The following KLHL41 variants were observed in gnomAD, a reference collection of about 807,000 sequenced individuals.
KLHL41 encodes kelch-like protein 41.
A neutral mutation model predicts 49.2 loss-of-function variants in KLHL41; 31 were observed. That is an observed-to-expected ratio of 0.63 (90% CI 0.47 to 0.85). The LOEUF (loss-of-function observed/expected upper bound fraction) is 0.85, where lower values mean the gene tolerates loss of function less well. Ranked by LOEUF, KLHL41 falls within the 40% of genes least tolerant of loss-of-function variation. The probability of loss-of-function intolerance (pLI) is 0.00; values close to 1 mark genes in which losing one functional copy is unlikely to be tolerated. For synonymous variants in KLHL41, 218 were observed against 258.5 expected (o/e 0.84, Z 1.50); for missense variants, 663 against 726.7 (o/e 0.91, Z 1.01).
intron 1 of KLHL41, among the ~76,000 whole-genome samples, chr2:169,511,222 T>C (rs1684025575): frequency 6.6e-6 from 1 of 152,152 alleles, no homozygotes. Context: ...CTAAATTTAT[T>C]TTTTCTTAGC....
rs1406718204 is a variant in KLHL41 at position 169,510,478 on chromosome 2, G to T, written c.700G>T (p.Asp234Tyr). 1 of 1,613,966 alleles carries T rather than the reference G, an allele frequency of 6.2e-7. No homozygotes were observed. The highest frequency in any genetic ancestry group is 2.2e-5 in the East Asian group (1 of 44,884). The change falls in exon 1 of 6, where the codon GAT becomes TAT. Residue 234 changes from aspartate to tyrosine, a missense_variant. By Grantham distance (160) the Asp-to-Tyr change is radical (BLOSUM62 -3). This residue lies in a region of KLHL41 where 528 missense variants were observed against 581.0 expected (regional missense o/e 0.91). Coordinates refer to ENST00000284669, the MANE Select transcript of KLHL41 (RefSeq NM_006063.3). The surrounding 1 kb of genome is among the most constrained non-coding windows in gnomAD (Gnocchi z 4.2). Reference protein sequence around the residue: ...FRLMTEKYFKDHVEKDDIIKS... With the variant: ...FRLMTEKYFKYHVEKDDIIKS... ...CCTTATGACAGAAAAATATTTTAAG[G>T]ATCATGTTGAGAAAGATGATATAAT...
intron 5 of KLHL41, among the ~76,000 whole-genome samples, chr2:169,521,226 C>T (rs566344019): frequency 2.6e-5 from 4 of 152,172 alleles, no homozygotes; most frequent in Admixed American, 1.3e-4. Context: ...ATCATCTGGG[C>T]AGGCCTGTTT....
chr2:169,518,013 T>C (rs759703577), intron 3 of KLHL41, among the ~76,000 whole-genome samples, 177 bp from the exon 4 acceptor site: 3 of 152,198 alleles, frequency 2.0e-5, no homozygotes, highest in Non-Finnish European at 2.9e-5. Context: ...AATTAAGTTA[T>C]AGTTTTGGTC....
chr2:169,519,722 A>G (rs1356760985), intron 4 of KLHL41, among the ~76,000 whole-genome samples: 1 of 147,112 alleles, frequency 6.8e-6, no homozygotes, highest in Admixed American at 6.9e-5. Context: ...TCTATAATGT[A>G]CATATATTAT....
chr2:169,525,465 G>A (rs1684289075), intron 5 of KLHL41, 120 bp from the exon 6 acceptor site: 5 of 637,626 alleles, frequency 7.8e-6, no homozygotes, highest in East Asian at 2.6e-5. Context: ...CCAGGCAGGT[G>A]CATCTTCTTC....
chr2:169,515,035 C>CTT lies in KLHL41; in HGVS notation c.1376+88_1376+89dup, dbSNP rs373207430. On this transcript the variant is annotated intron_variant, in intron 3 of 5. Transcript: ENST00000284669. ...GAAGGGTTTCTTCCTCTTTTCTTTT[C>CTT]TTTTTTTTTTTTTTTGAGATGGAGC... 0.017 allele frequency: 11,079 copies of CTT among 634,910 alleles called. 6 individuals are homozygous for CTT. Among genetic ancestry groups the CTT allele is most frequent in the Middle Eastern group, 0.022 (46 of 2,100 alleles). 39.3% of individuals were successfully genotyped at this position (634,910 alleles called of 1,614,324 possible).
intron 1 of KLHL41, 169 bp from the exon 2 acceptor site, chr2:169,514,405 T>C: frequency 2.1e-6 from 1 of 483,370 alleles, no homozygotes; most frequent in Non-Finnish European, 3.6e-6. Context: ...TCATTCTTCT[T>C]GGTAATTATG....
At position 169,525,698 on chromosome 2, in the gene KLHL41, C is replaced by G; in HGVS notation, c.*2C>G. On this transcript the variant is annotated 3_prime_UTR_variant, in exon 6 of 6. Coordinates refer to ENST00000284669, the MANE Select transcript of KLHL41 (RefSeq NM_006063.3). ...CTCTTCAAACTGTCTAAACTGTGAA[C>G]AAGGTGACAAAACATAATAGATTGG... The G allele has an allele frequency of 6.5e-7, 1 of 1,550,076 alleles. No homozygotes were observed. Among genetic ancestry groups the G allele is most frequent in the East Asian group, 2.2e-5 (1 of 44,556 alleles).
chr2:169,509,995 G>A lies in KLHL41; in HGVS notation c.217G>A (p.Glu73Lys). The change falls in exon 1 of 6, where the codon GAG becomes AAG. Residue 73 changes from glutamate (E) to lysine (K), a missense_variant. Physicochemically the swap from Glu to Lys is moderately conservative, Grantham distance 56. This residue lies in a region of KLHL41 where 129 missense variants were observed against 122.1 expected (regional missense o/e 1.06). Coordinates refer to ENST00000284669, the MANE Select transcript of KLHL41 (RefSeq NM_006063.3). The part of the protein sequence containing the change: ...LSEIDEAKKK[E>K]VVLDNVDPAI... ...TGAAATTGATGAGGCGAAAAAAAAGGAGGTAGTGCTAGACAATGTGGATCC... is the reference window on the plus strand; with the variant it reads ...TGAAATTGATGAGGCGAAAAAAAAGAAGGTAGTGCTAGACAATGTGGATCC... 1.2e-6 allele frequency: 2 copies of A among 1,614,134 alleles called. No homozygotes were observed. The highest frequency in any genetic ancestry group is 1.7e-6 in the Non-Finnish European group (2 of 1,180,004).
chr2:169,524,243 T>C (rs1204224460), intron 5 of KLHL41, among the ~76,000 whole-genome samples: 1 of 149,728 alleles, frequency 6.7e-6, no homozygotes, highest in Non-Finnish European at 1.5e-5. Context: ...CCTTTATTAG[T>C]AGCAAAATAT....
At position 169,525,738 on chromosome 2, in the gene KLHL41, G is replaced by C; in HGVS notation, c.*42G>C. The C allele has an allele frequency of 1.9e-6, 2 of 1,077,272 alleles. No individual in the cohort carries two copies. The highest frequency in any genetic ancestry group is 2.9e-6 in the Non-Finnish European group (2 of 698,672). 66.7% of individuals were successfully genotyped at this position (1,077,272 alleles called of 1,614,324 possible). ...TAATAGATTGGGAGGTGGTTTGTTT[G>C]GTGAATGGGGCTTTAATTTATTCTG... On this transcript the variant is annotated 3_prime_UTR_variant, in exon 6 of 6. Coordinates refer to ENST00000284669, the MANE Select transcript of KLHL41 (RefSeq NM_006063.3).
intron 4 of KLHL41, 99 bp from the exon 5 acceptor site, chr2:169,520,762 C>T: frequency 5.8e-6 from 6 of 1,031,100 alleles, no homozygotes; most frequent in Non-Finnish European, 8.4e-6. Context: ...TGCCTGGCCA[C>T]TACTTGAATT....
chr2:169,513,839 C>T (rs889465376), intron 1 of KLHL41, among the ~76,000 whole-genome samples: 3 of 152,174 alleles, frequency 2.0e-5, no homozygotes, highest in Admixed American at 6.5e-5. Flanking sequence ...CCACCATCAT[C>T]TACCCCAGGG....
chr2:169,510,767 C>G lies in KLHL41; in HGVS notation c.989C>G (p.Ala330Gly). The change falls in exon 1 of 6, where the codon GCT (alanine) becomes GGT (glycine). Residue 330 changes from alanine (A) to glycine (G), a missense_variant. Ala to Gly is a moderately conservative substitution (Grantham distance 60, BLOSUM62 0). Around this residue, in one of 3 missense-constraint regions of KLHL41, gnomAD observed 528 missense variants for 581.0 expected, o/e 0.91. Transcript: ENST00000284669. The surrounding 1 kb of genome is among the most constrained non-coding windows in gnomAD (Gnocchi z 4.2). Reference sequence around the variant, plus strand: ...AATGAATGCTACCTTACTGCACTGGCTGAGCAGATTCCCAGAAATCATTCC... The same window carrying G: ...AATGAATGCTACCTTACTGCACTGGGTGAGCAGATTCCCAGAAATCATTCC... ...TENECYLTAL[A>G]EQIPRNHSSI... 6.2e-7 allele frequency: 1 copy of G among 1,614,172 alleles called. No homozygotes were observed. Among genetic ancestry groups the G allele is most frequent in the South Asian group, 1.1e-5 (1 of 91,086 alleles).
At position 169,510,675 on chromosome 2, in the gene KLHL41, A is replaced by T. The variant is rs1327512864; in HGVS notation, c.897A>T (p.Gly299=). The T allele has an allele frequency of 6.2e-7, 1 of 1,614,102 alleles. No individual in the cohort carries two copies. Among genetic ancestry groups the T allele is most frequent in the East Asian group, 2.2e-5 (1 of 44,870 alleles). Residue 299 remains glycine (G), a synonymous_variant, in exon 1 of 6, where the codon GGA becomes GGT. Coordinates refer to ENST00000284669, the MANE Select transcript of KLHL41 (RefSeq NM_006063.3). The surrounding 1 kb of genome is among the most constrained non-coding windows in gnomAD (Gnocchi z 4.2). ...ACCTGAATGACATTCCCAGGCATGGAATGTTTGTAAAAGACCTCATCCTCT... is the reference window on the plus strand; with the variant it reads ...ACCTGAATGACATTCCCAGGCATGGTATGTTTGTAAAAGACCTCATCCTCT... ...PGYLNDIPRH[G]MFVKDLILLV...
chr2:169,521,682 G>A (rs776839011), intron 5 of KLHL41, among the ~76,000 whole-genome samples: 19 of 152,240 alleles, frequency 1.2e-4, no homozygotes, highest in East Asian at 1.2e-3. Context: ...CGTGAGCCAC[G>A]TACCCAGCCT....
At chr2:169,520,152 CTGTGTGTGTGTGTGTGTGTGTGTGTGTG>C (rs59155387) in intron 4 of KLHL41, among the ~76,000 whole-genome samples, 9 of 105,032 alleles carry the variant, frequency 8.6e-5, no homozygotes, top group South Asian at 7.3e-4. Context: ...AGGCCTAGCT[CTGTGTGTGTGTGTGTGTGTGTGTGTGTG>C]TGTGTGTGTG....
chr2:169,523,409 A>G (rs1301492397), intron 5 of KLHL41, among the ~76,000 whole-genome samples: 4 of 152,338 alleles, frequency 2.6e-5, no homozygotes, highest in African/African-American at 9.6e-5. Flanking sequence ...TAAAAGATCC[A>G]TGGATGTTTC....
rs548260788 is a variant in KLHL41, at chr2:169,525,729, GGTTT to G, written c.*39_*42del. 1.6e-4 allele frequency: 197 copies of G among 1,244,128 alleles called. 2 individuals are homozygous for G. The South Asian group carries it at 2.2e-3, about 14-fold the overall frequency. 77.1% of individuals were successfully genotyped at this position (1,244,128 alleles called of 1,614,324 possible). ...GACAAAACATAATAGATTGGGAGGT[GGTTT>G]GTTTGGTGAATGGGGCTTTAATTTA... On this transcript the variant is annotated 3_prime_UTR_variant, in exon 6 of 6. Transcript: ENST00000284669.
Sources: gnomAD v4.1 joint callset for allele counts (sites outside exome capture counted in the v4.1 genomes callset) on GRCh38, gnomAD v4.1.1 for gene constraint, gnomAD v4.1.1 regional missense constraint, Gnocchi (gnomAD v3.1) non-coding constraint, MANE v1.5 for transcripts, NCBI Gene and HGNC (gene_info 2026-07-23, HGNC 2026-07-21) for gene names.